The following ERBB4 variants were observed in gnomAD, a reference collection of about 807,000 sequenced individuals.
The protein encoded by ERBB4 is receptor tyrosine-protein kinase erbB-4.
ERBB4 carries 42 observed loss-of-function variants against 158.0 expected under a neutral mutation model. The ratio of observed to expected loss-of-function variants is 0.27; its 90% CI spans 0.21 to 0.34. The LOEUF is 0.34. Ranked by LOEUF, ERBB4 falls within the 10% of genes least tolerant of loss-of-function variation. ERBB4 has a pLI of 1.00. For missense variants in ERBB4, 1,333 were observed against 1,624.1 expected (o/e 0.82, Z 3.08); for synonymous variants, 583 against 558.7 (o/e 1.04, Z -0.61).
chr2:211,694,674 C>T (rs536568630), intron 12 of ERBB4, among the ~76,000 whole-genome samples: 5 of 151,740 alleles, frequency 3.3e-5, no homozygotes, highest in East Asian at 3.9e-4. Context: ...AGAAGAATAG[C>T]GACTTCACTA....
At position 212,197,524 on chromosome 2, in the gene ERBB4, T is replaced by C. The variant is rs1206263745; in HGVS notation, c.83-72621A>G. Among the ~76,000 whole-genome samples, 3 of 152,308 alleles carry C rather than the reference T, an allele frequency of 2.0e-5. No homozygotes were observed. In the East Asian group the frequency reaches 5.8e-4, roughly 29 times the overall value. ...GGCTTAACTCTCATAAATATCTTGC[T>C]CAAAATTATTTGGCTCGTACCATAA... On this transcript the variant is annotated intron_variant, in intron 1 of 27. Transcript: ENST00000342788.
At chr2:212,455,736 G>C (rs914000449) in intron 1 of ERBB4, among the ~76,000 whole-genome samples, 21 of 151,874 alleles carry the variant, frequency 1.4e-4, no homozygotes, top group African/African-American at 4.1e-4. Context: ...TTTTTAAAGT[G>C]TTACTTTTTA....
At chr2:211,638,113 C>G (rs940090210) in intron 16 of ERBB4, among the ~76,000 whole-genome samples, 2 of 151,358 alleles carry the variant, frequency 1.3e-5, no homozygotes, top group African/African-American at 4.8e-5. Context: ...CATTCTTCTT[C>G]TTTTAGCTTC....
chr2:212,387,640 A>T (rs187546868), intron 1 of ERBB4, among the ~76,000 whole-genome samples: 20 of 151,808 alleles, frequency 1.3e-4, no homozygotes, highest in Non-Finnish European at 2.8e-4. Flanking sequence ...CTTGGTTCAA[A>T]CTCCTGACCT....
intron 2 of ERBB4, among the ~76,000 whole-genome samples, chr2:211,965,081 A>T (rs1238614497): frequency 1.3e-5 from 2 of 152,204 alleles, no homozygotes; most frequent in Non-Finnish European, 2.9e-5. Flanking sequence ...ATACATGATT[A>T]CCTAATTTGT....
At chr2:212,174,300 A>G (rs927131107) in intron 1 of ERBB4, among the ~76,000 whole-genome samples, 3 of 152,272 alleles carry the variant, frequency 2.0e-5, no homozygotes, top group African/African-American at 7.2e-5. Context: ...AAATATGTGC[A>G]GTCATCAATT....
chr2:212,285,948 T>C (rs2106162342), intron 1 of ERBB4, among the ~76,000 whole-genome samples: 1 of 152,256 alleles, frequency 6.6e-6, no homozygotes, highest in Admixed American at 6.5e-5. Flanking sequence ...ATGGCTTGGC[T>C]AGATATTATA....
chr2:212,490,765 T>C (rs943072122), intron 1 of ERBB4, among the ~76,000 whole-genome samples: 1 of 151,800 alleles, frequency 6.6e-6, no homozygotes, highest in African/African-American at 2.4e-5. Context: ...TCTTGTATAA[T>C]TAACTACGGG....
intron 1 of ERBB4, among the ~76,000 whole-genome samples, chr2:212,383,852 C>T (rs1045034339): frequency 3.3e-5 from 5 of 151,612 alleles, no homozygotes; most frequent in Non-Finnish European, 7.4e-5. Flanking sequence ...GTCAGGCTTC[C>T]TAGTTCATCA....
At chr2:211,838,962 G>A (rs2077402173) in intron 3 of ERBB4, among the ~76,000 whole-genome samples, 1 of 152,028 alleles carries the variant, frequency 6.6e-6, no homozygotes, top group South Asian at 2.1e-4. Flanking sequence ...AAGAAAAGCA[G>A]AAATGATTTA....
At chr2:211,651,548 G>C (rs75322540) in intron 16 of ERBB4, among the ~76,000 whole-genome samples, 7,918 of 152,178 alleles carry the variant, frequency 0.052, 313 homozygotes, top group Middle Eastern at 0.085. Context: ...CAAATTTCTT[G>C]ACCTGAAGAT....
At chr2:211,384,123 T>C (rs1574503730) in intron 27 of ERBB4, 63 bp from the exon 28 acceptor site, 1 of 1,187,006 alleles carries the variant, frequency 8.4e-7, no homozygotes, top group African/African-American at 1.5e-5. Flanking sequence ...CAGACCAAGG[T>C]TATACATAAT....
At position 211,666,982 on chromosome 2, in the gene ERBB4, C is replaced by T. The variant is rs182793856; in HGVS notation, c.1717-1505G>A. On this transcript the variant is annotated intron_variant, in intron 14 of 27. Transcript: ENST00000342788. ...GGGATTGTAAAGATAATGGGAGTAC[C>T]TTATATCCTAAACCAGGAGTGTCCA... is the stretch of plus-strand genomic sequence containing the variant. Among the ~76,000 whole-genome samples the T allele has an allele frequency of 3.7e-3, 570 of 152,062 alleles. 7 individuals carry two copies. In the South Asian group the frequency reaches 0.043, roughly 11 times the overall value.
intron 3 of ERBB4, among the ~76,000 whole-genome samples, chr2:211,811,400 C>T (rs1293700731): frequency 6.6e-6 from 1 of 152,156 alleles, no homozygotes; most frequent in Non-Finnish European, 1.5e-5. Context: ...GGCTGATGGG[C>T]TTCCCTTTGT....
chr2:211,534,562 A>G (rs1420700950), intron 20 of ERBB4, among the ~76,000 whole-genome samples: 1 of 152,068 alleles, frequency 6.6e-6, no homozygotes. Flanking sequence ...GACATTTGTT[A>G]CACTATCTTT....
intron 4 of ERBB4, among the ~76,000 whole-genome samples, chr2:211,754,060 C>T (rs552865828): frequency 3.0e-4 from 46 of 151,956 alleles, no homozygotes; most frequent in African/African-American, 9.9e-4. Flanking sequence ...CGGGGTTTCA[C>T]TGTGTTAGCC....
chr2:211,934,720 C>T (rs1318287500), intron 3 of ERBB4, among the ~76,000 whole-genome samples: 1 of 151,752 alleles, frequency 6.6e-6, no homozygotes, highest in East Asian at 1.9e-4. Context: ...GCTATGAAGT[C>T]CGTGCCCAAT....
intron 1 of ERBB4, among the ~76,000 whole-genome samples, chr2:212,455,454 A>G (rs1048691188): frequency 2.0e-5 from 3 of 152,284 alleles, no homozygotes; most frequent in South Asian, 2.1e-4. Context: ...GCATTGTCCA[A>G]TATGGTAGCC....
intron 12 of ERBB4, among the ~76,000 whole-genome samples, chr2:211,684,584 A>T (rs1170522670): frequency 1.3e-5 from 2 of 152,238 alleles, no homozygotes; most frequent in African/African-American, 4.8e-5. Flanking sequence ...CTTTTGTCTC[A>T]GAGTCATGCA....
Sources: allele counts gnomAD v4.1 joint callset (sites outside exome capture counted in the v4.1 genomes callset), GRCh38; gene constraint gnomAD v4.1.1; transcripts MANE v1.5; gene names NCBI Gene and HGNC (gene_info 2026-07-23, HGNC 2026-07-21).